The following SAMD12 variants were observed in gnomAD, a reference collection of about 807,000 sequenced individuals.
The protein encoded by SAMD12 is sterile alpha motif domain containing 12.
SAMD12 carries 9 observed loss-of-function variants against 15.0 expected under a neutral mutation model. The ratio of observed to expected loss-of-function variants is 0.60; its 90% CI spans 0.36 to 1.05. The LOEUF (loss-of-function observed/expected upper bound fraction) is 1.05, where lower values mean the gene tolerates loss of function less well. SAMD12 is among the 50% of genes least tolerant of loss of function. The probability of loss-of-function intolerance (pLI) is 0.01; values close to 1 mark genes in which losing one functional copy is unlikely to be tolerated. For synonymous variants in SAMD12, 86 were observed against 90.1 expected (o/e 0.96, Z 0.25); for missense variants, 230 against 234.2 (o/e 0.98, Z 0.12).
intron 1 of SAMD12, among the ~76,000 whole-genome samples, chr8:118,593,721 T>C (rs1354325356): frequency 6.6e-6 from 1 of 152,188 alleles, no homozygotes; most frequent in Non-Finnish European, 1.5e-5. Context: ...CTGTAAATGT[T>C]AGTTTTAAAA....
At chr8:118,171,603 T>C in the SAMD12 span, among the ~76,000 whole-genome samples, 2 of 152,150 alleles carry the variant, frequency 1.3e-5, no homozygotes, top group African/African-American at 2.4e-5. Context: ...TATTGTGTGA[T>C]TGCATTCATA....
intron 1 of SAMD12, among the ~76,000 whole-genome samples, chr8:118,606,476 A>G (rs1417640020): frequency 6.6e-6 from 1 of 152,154 alleles, no homozygotes; most frequent in Non-Finnish European, 1.5e-5. Context: ...AGCACAGAGT[A>G]TACGTAAAGC....
At chr8:118,477,482 G>T (rs967974286) in intron 2 of SAMD12, among the ~76,000 whole-genome samples, 1 of 152,140 alleles carries the variant, frequency 6.6e-6, no homozygotes, top group African/African-American at 2.4e-5. Context: ...AAGATCCTTT[G>T]TTTTAACACA....
chr8:118,563,453 A>G (rs16891201), intron 2 of SAMD12, among the ~76,000 whole-genome samples: 2,911 of 152,302 alleles, frequency 0.019, 94 homozygotes, highest in African/African-American at 0.066. Context: ...TGATGGCTCT[A>G]AAGAGGACTC....
chr8:118,547,585 C>T (rs1826168592), intron 2 of SAMD12, among the ~76,000 whole-genome samples: 1 of 152,146 alleles, frequency 6.6e-6, no homozygotes, highest in Non-Finnish European at 1.5e-5. Flanking sequence ...AAAGTATTAA[C>T]TGAGCAATGA....
At chr8:118,453,775 C>T (rs1444970219) in intron 2 of SAMD12, among the ~76,000 whole-genome samples, 1 of 152,160 alleles carries the variant, frequency 6.6e-6, no homozygotes, top group East Asian at 1.9e-4. Flanking sequence ...CCTGCCTCGG[C>T]CTCCCAAAGT....
At chr8:118,227,291 C>T (rs951546007) in intron 4 of SAMD12, among the ~76,000 whole-genome samples, 1 of 152,100 alleles carries the variant, frequency 6.6e-6, no homozygotes, top group East Asian at 1.9e-4. Flanking sequence ...CACATCTTCT[C>T]ACTTATAAGT....
At chr8:118,189,000 G>C (rs181516423), downstream of SAMD12, among the ~76,000 whole-genome samples, 15 of 152,202 alleles carry the variant, frequency 9.9e-5, no homozygotes, top group East Asian at 2.9e-3. Flanking sequence ...TGGAGCAGGA[G>C]GTGCTGGGAA....
intron 3 of SAMD12, among the ~76,000 whole-genome samples, chr8:118,421,771 C>T (rs896954645): frequency 1.3e-5 from 2 of 152,140 alleles, no homozygotes; most frequent in African/African-American, 2.4e-5. Flanking sequence ...CACAGCACTG[C>T]GACAATCACT....
intron 4 of SAMD12, chr8:118,282,197 T>C (rs1269258386): frequency 4.6e-6 from 2 of 433,680 alleles, no homozygotes; most frequent in Non-Finnish European, 9.1e-6. Flanking sequence ...TTTCTTTTCT[T>C]CAGAGGGGAA....
At chr8:118,353,967 C>T (rs1818096945) in intron 4 of SAMD12, among the ~76,000 whole-genome samples, 1 of 152,192 alleles carries the variant, frequency 6.6e-6, no homozygotes. Context: ...TCCCTGCAGG[C>T]ATCTGACCCC....
chr8:118,246,331 G>A (rs571876399), intron 4 of SAMD12, among the ~76,000 whole-genome samples: 1 of 152,256 alleles, frequency 6.6e-6, no homozygotes, highest in South Asian at 2.1e-4. Flanking sequence ...CACTGATCCA[G>A]TGAGAGGAAG....
chr8:118,558,738 T>C (rs1826619773), intron 2 of SAMD12, among the ~76,000 whole-genome samples: 1 of 151,964 alleles, frequency 6.6e-6, no homozygotes, highest in Admixed American at 6.6e-5. Context: ...TTTTGTATTT[T>C]TAGTAGAGAC....
rs763024519 is a variant in SAMD12, at chr8:118,339,307, G to A, written c.433+40253C>T. Among the ~76,000 whole-genome samples the A allele has an allele frequency of 4.6e-5, 7 of 152,254 alleles. No homozygotes were observed. The South Asian group carries it at 8.3e-4, about 18-fold the overall frequency. ...ATTGTGCCACTGCACTCCAGCCTGAGCCACAGAGTGAGACCCTGTCTTAAA... is the reference window on the plus strand; with the variant it reads ...ATTGTGCCACTGCACTCCAGCCTGAACCACAGAGTGAGACCCTGTCTTAAA... On this transcript the variant is annotated intron_variant, in intron 4 of 4. Coordinates refer to the SAMD12 transcript ENST00000409003.
chr8:118,435,080 G>T (rs1822539569), intron 3 of SAMD12, among the ~76,000 whole-genome samples: 2 of 24,262 alleles, frequency 8.2e-5, no homozygotes, highest in African/African-American at 1.8e-4. Flanking sequence ...TCCAGCCTGG[G>T]CGACAGAGTG....
At chr8:118,616,432 C>T (rs114922139) in intron 1 of SAMD12, among the ~76,000 whole-genome samples, 2,927 of 152,266 alleles carry the variant, frequency 0.019, 79 homozygotes, top group African/African-American at 0.065. Flanking sequence ...ATGTTCCCAA[C>T]AAGAAAAGGT....
chr8:118,442,777 C>T (rs2130895772), intron 2 of SAMD12, among the ~76,000 whole-genome samples: 1 of 152,238 alleles, frequency 6.6e-6, no homozygotes, highest in East Asian at 1.9e-4. Context: ...GCAAGTAAAG[C>T]TAATCACATC....
intron 2 of SAMD12, among the ~76,000 whole-genome samples, chr8:118,574,752 T>G (rs1827106468): frequency 6.6e-6 from 1 of 152,198 alleles, no homozygotes; most frequent in Non-Finnish European, 1.5e-5. Flanking sequence ...TTGTCTCTTG[T>G]TCTGACCCTT....
At chr8:118,167,650 A>G in the SAMD12 span, among the ~76,000 whole-genome samples, 2 of 152,182 alleles carry the variant, frequency 1.3e-5, no homozygotes, top group African/African-American at 4.8e-5. Context: ...CAATGAGATT[A>G]AAGAAGCTGT....
Sources: gnomAD v4.1 joint callset for allele counts (sites outside exome capture counted in the v4.1 genomes callset) on GRCh38, gnomAD v4.1.1 for gene constraint, MANE v1.5 for transcripts, NCBI Gene and HGNC (gene_info 2026-07-23, HGNC 2026-07-21) for gene names.